The following INTS6L variants were observed in gnomAD, a reference collection of about 807,000 sequenced individuals.
INTS6L encodes integrator complex subunit 6-like.
In INTS6L, 18 loss-of-function variants were observed where a neutral mutation model predicts 64.7. That is an observed-to-expected ratio of 0.28 (90% CI 0.19 to 0.41). The LOEUF is 0.41. INTS6L is among the 10% of genes least tolerant of loss of function. The pLI is 1.00. For synonymous variants in INTS6L, 227 were observed against 235.9 expected, an observed-to-expected ratio of 0.96 and a Z score of 0.34; for missense variants, 533 against 661.0, an observed-to-expected ratio of 0.81 and a Z score of 2.12.
In INTS6L at chrX:135,520,738, GAA is replaced by G; in HGVS notation, c.-254_-253del. 1 of 366,873 alleles carries G rather than the reference GAA, an allele frequency of 2.7e-6. No homozygotes were observed. Among genetic ancestry groups the G allele is most frequent in the Non-Finnish European group, 4.8e-6 (1 of 209,770 alleles). The allele number at this position is 366,873 out of a possible 1,213,427, so 30.2% of individuals were successfully genotyped here. A position where few individuals can be genotyped will look rare whatever the true frequency, so the allele number is the denominator to read the frequency against. The stretch of plus-strand genomic sequence containing the variant: ...GGCAGCGGCAGTAGTGGTGGCAGCA[GAA>G]GAGAGGAAGGGGGAGGGCCCCGAGG... On this transcript the variant is annotated 5_prime_UTR_variant, in exon 1 of 18. Transcript: ENST00000639893.
chrX:135,558,769 T>C (rs1556520635), intron 9 of INTS6L, among the ~76,000 whole-genome samples: 2 of 109,399 alleles, frequency 1.8e-5, no homozygotes, highest in African/African-American at 3.4e-5. Flanking sequence ...TTAAACACAA[T>C]TTCTTCTTTT....
intron 2 of INTS6L, among the ~76,000 whole-genome samples, chrX:135,537,541 A>C (rs966541804): frequency 8.9e-6 from 1 of 111,741 alleles, no homozygotes; most frequent in Non-Finnish European, 1.9e-5. Context: ...AAACAGCCAC[A>C]GTGGGATTAA....
chrX:135,522,469 G>A (rs974696087), intron 2 of INTS6L, among the ~76,000 whole-genome samples: 1 of 112,260 alleles, frequency 8.9e-6, no homozygotes, highest in South Asian at 3.7e-4. Context: ...CAGATAAAAT[G>A]GAATTTAAAC....
At chrX:135,526,755 T>C (rs2148560517) in intron 2 of INTS6L, among the ~76,000 whole-genome samples, 1 of 111,553 alleles carries the variant, frequency 9.0e-6, no homozygotes, top group East Asian at 2.8e-4. Flanking sequence ...GTATCCCTAG[T>C]ACCTAAGGGG....
rs1047771096 is a variant in INTS6L, at chrX:135,520,869, C to T, written c.-124C>T. ...CCATCCGTCCCGTCCCGTCCCGTCTCCCCCTCTTCCTCTTGCTCCTTGCTC... is the reference window on the plus strand; with the variant it reads ...CCATCCGTCCCGTCCCGTCCCGTCTTCCCCTCTTCCTCTTGCTCCTTGCTC... On this transcript the variant is annotated 5_prime_UTR_variant, in exon 1 of 18. Transcript: ENST00000639893. The T allele has an allele frequency of 8.5e-6, 6 of 707,202 alleles. No homozygotes were observed. In the African/African-American group the frequency reaches 1.3e-4, roughly 15 times the overall value. The allele number at this position is 707,202 out of a possible 1,213,427, so 58.3% of individuals were successfully genotyped here. A position where few individuals can be genotyped will look rare whatever the true frequency, so the allele number is the denominator to read the frequency against.
At position 135,520,766 on chromosome X, in the gene INTS6L, G is replaced by A; in HGVS notation, c.-227G>A. On this transcript the variant is annotated 5_prime_UTR_variant, in exon 1 of 18. Transcript: ENST00000639893. ...GAGAGGAAGGGGGAGGGCCCCGAGG[G>A]CTACACACGCTCACACTTTCAAGTT... 1 of 400,756 alleles carries A rather than the reference G, an allele frequency of 2.5e-6. No homozygotes were observed. Among genetic ancestry groups the A allele is most frequent in the Non-Finnish European group, 4.3e-6 (1 of 230,136 alleles). The allele number at this position is 400,756 out of a possible 1,213,427, so 33.0% of individuals were successfully genotyped here. A position where few individuals can be genotyped will look rare whatever the true frequency, so the allele number is the denominator to read the frequency against.
chrX:135,536,306 T>A (rs782609128), intron 2 of INTS6L, among the ~76,000 whole-genome samples: 138 of 112,505 alleles, frequency 1.2e-3, no homozygotes, highest in African/African-American at 4.4e-3. Flanking sequence ...TATTTTTTTT[T>A]ATTTATAAAT....
At chrX:135,578,563 G>A (rs1196543548) in intron 15 of INTS6L, among the ~76,000 whole-genome samples, 2 of 111,718 alleles carry the variant, frequency 1.8e-5, no homozygotes, top group African/African-American at 6.5e-5. Flanking sequence ...GAATGCTCTG[G>A]AGGGCAGTTG....
chrX:135,540,015 A>G (rs2086162492), intron 2 of INTS6L, among the ~76,000 whole-genome samples: 1 of 112,585 alleles, frequency 8.9e-6, no homozygotes, highest in Non-Finnish European at 1.9e-5. Flanking sequence ...AAAATGTAAC[A>G]GAGAAACACA....
intron 9 of INTS6L, among the ~76,000 whole-genome samples, chrX:135,563,701 G>A (rs2086859013): frequency 2.0e-5 from 2 of 100,455 alleles, no homozygotes; most frequent in South Asian, 4.6e-4. Flanking sequence ...AGAATTCTCG[G>A]TTGACAGTAC....
At chrX:135,529,710 A>G (rs1420158505) in intron 2 of INTS6L, among the ~76,000 whole-genome samples, 2 of 112,162 alleles carry the variant, frequency 1.8e-5, no homozygotes, top group East Asian at 5.6e-4. Flanking sequence ...TTGTATAACT[A>G]TCCCTGTATT....
At chrX:135,531,414 C>T (rs2085905557) in intron 2 of INTS6L, among the ~76,000 whole-genome samples, 2 of 112,442 alleles carry the variant, frequency 1.8e-5, no homozygotes, top group South Asian at 7.3e-4. Context: ...CCACACATCT[C>T]CACTGACTGT....
intron 14 of INTS6L, among the ~76,000 whole-genome samples, chrX:135,576,296 C>A (rs1439830720): frequency 4.2e-5 from 4 of 94,130 alleles, no homozygotes; most frequent in African/African-American, 7.9e-5. Context: ...CCACTGCGCT[C>A]CAGCCTGGGT....
At chrX:135,567,710 A>G (rs2086989025) in intron 9 of INTS6L, among the ~76,000 whole-genome samples, 2 of 112,087 alleles carry the variant, frequency 1.8e-5, no homozygotes, top group African/African-American at 6.5e-5. Context: ...ATGGTATAAC[A>G]GGATATATCC....
At chrX:135,534,314 C>T (rs559967245) in intron 2 of INTS6L, among the ~76,000 whole-genome samples, 23 of 110,124 alleles carry the variant, frequency 2.1e-4, no homozygotes, top group South Asian at 7.9e-4. Flanking sequence ...TGCCCAGTTT[C>T]GTTAAAATAT....
At chrX:135,544,137 T>C (rs1320526223) in intron 2 of INTS6L, among the ~76,000 whole-genome samples, 1 of 112,123 alleles carries the variant, frequency 8.9e-6, no homozygotes, top group African/African-American at 3.3e-5. Context: ...CAGATTATGA[T>C]GTGAATGACT....
rs1443374606 is a variant in INTS6L, at chrX:135,521,067, G to A, written c.75G>A (p.Leu25=). The A allele has an allele frequency of 1.7e-6, 2 of 1,209,803 alleles. No homozygotes were observed. The highest frequency in any genetic ancestry group is 2.2e-6 in the Non-Finnish European group (2 of 895,042). Residue 25 remains leucine, a synonymous_variant, in exon 1 of 18, where the codon TTG becomes TTA. Transcript: ENST00000639893. Reference sequence around the variant, plus strand: ...GCACTGACCTGGGCACCTCTTATTTGGACATTGCCAAAGGCGCTGTGGAGT... The same window carrying A: ...GCACTGACCTGGGCACCTCTTATTTAGACATTGCCAAAGGCGCTGTGGAGT... ...NQRTDLGTSY[L]DIAKGAVELF...
At chrX:135,527,475 T>C (rs190325674) in intron 2 of INTS6L, among the ~76,000 whole-genome samples, 14 of 111,713 alleles carry the variant, frequency 1.3e-4, no homozygotes, top group Non-Finnish European at 2.3e-4. Flanking sequence ...TGGCTTAGGA[T>C]ATGGGAAATG....
chrX:135,575,928 C>T lies in INTS6L; in HGVS notation c.1884+702C>T, dbSNP rs182730912. On this transcript the variant is annotated intron_variant, in intron 14 of 17. Coordinates refer to ENST00000639893, the MANE Select transcript of INTS6L (RefSeq NM_001351601.3). The stretch of plus-strand genomic sequence containing the variant: ...ATTAAGGCTCAGACCACACAATAAT[C>T]TCTTTTGTGACAAGACTGATTGAAA... 3.6e-5 allele frequency among the ~76,000 whole-genome samples: 4 copies of T among 111,738 alleles called. No individual in the cohort carries two copies. In the East Asian group the frequency reaches 1.1e-3, roughly 31 times the overall value.
Sources: gnomAD v4.1 joint callset for allele counts (sites outside exome capture counted in the v4.1 genomes callset) on GRCh38, gnomAD v4.1.1 for gene constraint, MANE v1.5 for transcripts, NCBI Gene and HGNC (gene_info 2026-07-23, HGNC 2026-07-21) for gene names.